The following WASF2 variants were observed in gnomAD, a reference collection of about 807,000 sequenced individuals.
WASF2 encodes actin-binding protein WASF2.
In WASF2, 14 loss-of-function variants were observed where a neutral mutation model predicts 45.0. The observed-to-expected ratio is 0.31, with a 90% CI of 0.21 to 0.49. The LOEUF is 0.49. Among genes scored for constraint, WASF2 ranks in the 20% least tolerant of loss-of-function variants. The pLI, the probability that WASF2 is intolerant of heterozygous loss-of-function variation, is 0.99. For missense variants in WASF2, 439 were observed against 636.1 expected, an observed-to-expected ratio of 0.69 and a Z score of 3.33; for synonymous variants, 200 against 236.3, an observed-to-expected ratio of 0.85 and a Z score of 1.41.
chr1:27,482,147 T>C (rs1358605891), intron 1 of WASF2, among the ~76,000 whole-genome samples: 1 of 152,206 alleles, frequency 6.6e-6, no homozygotes, highest in Admixed American at 6.6e-5. Flanking sequence ...GAAAAAACAC[T>C]CATTCAACTT....
At position 27,405,691 on chromosome 1, in the gene WASF2, CG is replaced by C. The variant is rs1449701834; in HGVS notation, c.*2497del. 2 of 145,278 alleles carry C rather than the reference CG, an allele frequency of 1.4e-5. No homozygotes were observed. Among genetic ancestry groups the C allele is most frequent in the African/African-American group, 2.6e-5 (1 of 38,798 alleles). 9.0% of individuals were successfully genotyped at this position (145,278 alleles called of 1,614,324 possible). A position where few individuals can be genotyped will look rare whatever the true frequency, so the allele number is the denominator to read the frequency against. ...TCGGCTCACTGGGTCCCCGGCCCCC[CG>C]AGCTGAGGAGGCTTCGCAAGGCCGG... is the stretch of plus-strand genomic sequence containing the variant. On this transcript the variant is annotated 3_prime_UTR_variant, in exon 9 of 9. Coordinates refer to ENST00000618852, the MANE Select transcript of WASF2 (RefSeq NM_006990.5).
intron 1 of WASF2, among the ~76,000 whole-genome samples, chr1:27,482,517 C>T (rs561325468): frequency 6.6e-6 from 1 of 152,160 alleles, no homozygotes; most frequent in Non-Finnish European, 1.5e-5. Context: ...ATGAGCTTTT[C>T]TTAGAAACAG....
chr1:27,489,743 T>C (rs767781202), intron 1 of WASF2, among the ~76,000 whole-genome samples: 4 of 152,134 alleles, frequency 2.6e-5, no homozygotes, highest in Non-Finnish European at 5.9e-5. Flanking sequence ...GGGACACTCA[T>C]AGTCCCTCAG....
intron 2 of WASF2, 125 bp from the exon 3 acceptor site, chr1:27,419,213 G>C (rs552842627): frequency 1.9e-6 from 2 of 1,048,346 alleles, no homozygotes; most frequent in East Asian, 5.0e-5. Context: ...CATACCCTAA[G>C]ACGGTTTGGG....
intron 1 of WASF2, among the ~76,000 whole-genome samples, chr1:27,462,428 G>A (rs1332155857): frequency 6.6e-5 from 10 of 152,044 alleles, no homozygotes; most frequent in Admixed American, 6.6e-4. Flanking sequence ...CTAATGTAAA[G>A]TTCGTATCTT....
chr1:27,457,811 T>C (rs1472714906), intron 1 of WASF2, among the ~76,000 whole-genome samples: 1 of 151,848 alleles, frequency 6.6e-6, no homozygotes, highest in Non-Finnish European at 1.5e-5. Flanking sequence ...TTGTAGAAAT[T>C]AGGTATCACT....
At chr1:27,459,885 A>G (rs2017521781) in intron 1 of WASF2, among the ~76,000 whole-genome samples, 1 of 152,246 alleles carries the variant, frequency 6.6e-6, no homozygotes, top group African/African-American at 2.4e-5. Context: ...TATTAGAATA[A>G]TTTTGAAAGT....
chr1:27,478,881 G>A (rs532460067), intron 1 of WASF2, among the ~76,000 whole-genome samples: 10 of 152,158 alleles, frequency 6.6e-5, no homozygotes, highest in Middle Eastern at 6.8e-3. Flanking sequence ...ACTGCGCCCA[G>A]CCAAAATGTT....
chr1:27,418,500 C>T, intron 3 of WASF2, 78 bp from the exon 4 acceptor site: 2 of 1,587,628 alleles, frequency 1.3e-6, no homozygotes, highest in African/African-American at 2.7e-5. Context: ...GTCGGAGAGG[C>T]CTCAGCTGCT....
chr1:27,410,258 C>T lies in WASF2; in HGVS notation c.825-52G>A. 6.2e-7 allele frequency: 1 copy of T among 1,603,484 alleles called. No homozygotes were observed. ...ACCATCACCCTTAGAATGCAGACAC[C>T]TATCTACAGTTAGCCTTGTCTACAG... is the stretch of plus-strand genomic sequence containing the variant. On this transcript the variant is annotated intron_variant, in intron 7 of 8. Transcript: ENST00000618852. This position sits in a 1 kb window ranked among gnomAD's most constrained non-coding sequence, Gnocchi z 4.2.
rs1278230064 is a variant in WASF2 at position 27,419,183 on chromosome 1, A to G, written c.131-95T>C. On this transcript the variant is annotated intron_variant, in intron 2 of 8. Coordinates refer to ENST00000618852, the MANE Select transcript of WASF2 (RefSeq NM_006990.5). Reference sequence around the variant, plus strand: ...TAAAGATCGTGTTCCCTAACCCCCAAACACATACATATACACACACATACC... The same window carrying G: ...TAAAGATCGTGTTCCCTAACCCCCAGACACATACATATACACACACATACC... The G allele has an allele frequency of 4.3e-6, 6 of 1,383,306 alleles. No homozygotes were observed. The East Asian group carries it at 6.9e-5, about 16-fold the overall frequency. 85.7% of individuals were successfully genotyped at this position (1,383,306 alleles called of 1,614,324 possible). A position where few individuals can be genotyped will look rare whatever the true frequency, so the allele number is the denominator to read the frequency against.
At chr1:27,489,899 C>T (rs2018007040) in intron 1 of WASF2, 87 bp downstream of exon 1, 1 of 152,300 alleles carries the variant, frequency 6.6e-6, no homozygotes, top group African/African-American at 2.4e-5. Flanking sequence ...CACCCAGTCC[C>T]CCGAGACCCT....
At chr1:27,449,665 CACAAAGATAAG>C (rs1176219487) in intron 1 of WASF2, among the ~76,000 whole-genome samples, 2 of 151,962 alleles carry the variant, frequency 1.3e-5, no homozygotes, top group Non-Finnish European at 2.9e-5. Context: ...CTTTGGCTCT[CACAAAGATAAG>C]GATAAGGAGG....
rs1396138171 is a variant in WASF2, at chr1:27,409,609, A to AC, written c.1339+82dup. On this transcript the variant is annotated intron_variant, in intron 8 of 8. Transcript: ENST00000618852. ...GCCGTTTCCTGGGAAGGGCACAGGG[A>AC]CCCCCTCACCCATCCCCCAATCAGT... 11 of 1,369,614 alleles carry AC rather than the reference A, an allele frequency of 8.0e-6. No individual in the cohort carries two copies. In the Admixed American group the frequency reaches 1.7e-4, roughly 21 times the overall value. 84.8% of individuals were successfully genotyped at this position (1,369,614 alleles called of 1,614,324 possible).
chr1:27,420,431 A>G (rs976879846), intron 2 of WASF2, among the ~76,000 whole-genome samples: 2 of 150,506 alleles, frequency 1.3e-5, no homozygotes, highest in Non-Finnish European at 3.0e-5. Flanking sequence ...ATTTGACACT[A>G]CCTCTATATT....
intron 1 of WASF2, among the ~76,000 whole-genome samples, chr1:27,435,160 TG>T (rs1225691067): frequency 6.6e-6 from 1 of 152,176 alleles, no homozygotes; most frequent in African/African-American, 2.4e-5. Flanking sequence ...TTGGTCAGGC[TG>T]GTCTCGAACT....
At position 27,406,293 on chromosome 1, in the gene WASF2, A is replaced by G. The variant is rs200844631; in HGVS notation, c.*1896T>C. On this transcript the variant is annotated 3_prime_UTR_variant, in exon 9 of 9. Coordinates refer to ENST00000618852, the MANE Select transcript of WASF2 (RefSeq NM_006990.5). ...AGCTTAGTGCCAAGTCCTGTGCCAGAGACACCTGATGTGTAAAGAGGGAAG... is the reference window on the plus strand; with the variant it reads ...AGCTTAGTGCCAAGTCCTGTGCCAGGGACACCTGATGTGTAAAGAGGGAAG... The G allele has an allele frequency of 1.3e-5, 2 of 152,510 alleles. No homozygotes were observed. Among genetic ancestry groups the G allele is most frequent in the East Asian group, 3.8e-4 (2 of 5,196 alleles). The allele number at this position is 152,510 out of a possible 1,614,324, so 9.4% of individuals were successfully genotyped here.
intron 1 of WASF2, chr1:27,459,488 T>C (rs2017516901): frequency 6.6e-6 from 1 of 151,924 alleles, no homozygotes; most frequent in South Asian, 2.1e-4. Context: ...AAAACATCTA[T>C]CCTTTTAAAT....
chr1:27,429,072 T>A, intron 1 of WASF2, 139 bp from the exon 2 acceptor site: 1 of 716,718 alleles, frequency 1.4e-6, no homozygotes, highest in Non-Finnish European at 2.2e-6. Flanking sequence ...TCTCCCTATC[T>A]TTTTTTTTCT....
Sources: gnomAD v4.1 joint callset for allele counts (sites outside exome capture counted in the v4.1 genomes callset) on GRCh38, gnomAD v4.1.1 for gene constraint, Gnocchi (gnomAD v3.1) non-coding constraint, MANE v1.5 for transcripts, NCBI Gene and HGNC (gene_info 2026-07-23, HGNC 2026-07-21) for gene names.